The following TG variants were observed in gnomAD, a reference collection of about 807,000 sequenced individuals.
TG encodes the protein thyroid hormones.
In TG, 270 loss-of-function variants were observed where a neutral mutation model predicts 324.7. That is an observed-to-expected ratio of 0.83 (90% CI 0.75 to 0.92). The LOEUF (loss-of-function observed/expected upper bound fraction) is 0.92, where lower values mean the gene tolerates loss of function less well. TG is among the 40% of genes least tolerant of loss of function. TG has a pLI of 0.00. For synonymous variants in TG, 1,401 were observed against 1,327.0 expected, an observed-to-expected ratio of 1.06 and a Z score of -1.21; for missense variants, 3,591 against 3,456.4, an observed-to-expected ratio of 1.04 and a Z score of -0.98.
In TG at chr8:133,065,442, C is replaced by T. The variant is rs1842907937; in HGVS notation, c.7240-29602C>T. On this transcript the variant is annotated intron_variant, in intron 41 of 47. Transcript: ENST00000220616. The stretch of plus-strand genomic sequence containing the variant: ...ACAGAAAAGAAGAGATTTTCAAACC[C>T]AAGAAGGCAACAGAAAAGTGATTTT... 2.0e-5 allele frequency among the ~76,000 whole-genome samples: 3 copies of T among 152,320 alleles called. No individual in the cohort carries two copies. The South Asian group carries it at 6.2e-4, about 32-fold the overall frequency.
chr8:133,096,825 G>A (rs1848489276), intron 43 of TG, among the ~76,000 whole-genome samples: 1 of 152,210 alleles, frequency 6.6e-6, no homozygotes, highest in Non-Finnish European at 1.5e-5. Flanking sequence ...TCCTAGTAAA[G>A]AGAGCACGCA....
rs762634475 is a variant in TG, at chr8:132,893,919, G to A, written c.2991G>A (p.Ala997=). 6.2e-6 allele frequency: 10 copies of A among 1,613,918 alleles called. No individual in the cohort carries two copies. The highest frequency in any genetic ancestry group is 2.2e-5 in the South Asian group (2 of 91,086). ...GGAGTGATTACGCCATTCGCCTGGC[G>A]GCTCAGTCTAGTGAGTGTGGTGCCC... ...LRGSDYAIRL[A]AQSTLSFYQR... is the part of the protein sequence containing the mutation. Residue 997 remains alanine (A), a synonymous_variant, in exon 11 of 48, where the codon GCG becomes GCA. Transcript: ENST00000220616.
At chr8:133,070,025 AAG>A (rs1491041561) in intron 41 of TG, among the ~76,000 whole-genome samples, 18,168 of 75,186 alleles carry the variant, frequency 0.24, 3,893 homozygotes, top group Non-Finnish European at 0.31. Flanking sequence ...AAAAAAAAAA[AAG>A]AAAGAAAGAA....
intron 37 of TG, among the ~76,000 whole-genome samples, chr8:133,016,653 A>T (rs151048672): frequency 7.9e-5 from 12 of 152,322 alleles, no homozygotes; most frequent in African/African-American, 2.9e-4. Context: ...GACCAAATCT[A>T]CGTGTCAGAA....
At chr8:132,867,527 T>G (rs916398376) in intron 1 of TG, among the ~76,000 whole-genome samples, 1 of 151,872 alleles carries the variant, frequency 6.6e-6, no homozygotes, top group East Asian at 1.9e-4. Flanking sequence ...GCTTCTGTTT[T>G]TTTTTTTTTT....
intron 41 of TG, chr8:133,049,181 C>T (rs755901447): frequency 7.2e-5 from 33 of 456,294 alleles, no homozygotes; most frequent in East Asian, 3.5e-4. Flanking sequence ...CTCACTGGAA[C>T]GACTACAGGG....
At chr8:132,974,196 G>A (rs952282734) in intron 34 of TG, among the ~76,000 whole-genome samples, 1 of 151,980 alleles carries the variant, frequency 6.6e-6, no homozygotes, top group Non-Finnish European at 1.5e-5. Flanking sequence ...ATTTCACCAT[G>A]TTAGCCAGGG....
At chr8:133,061,310 A>C (rs545641995) in intron 41 of TG, among the ~76,000 whole-genome samples, 5 of 152,336 alleles carry the variant, frequency 3.3e-5, no homozygotes, top group African/African-American at 1.2e-4. Context: ...TGCCTGGCCA[A>C]GTCATTAACC....
Position 132,911,484 on chromosome 8 carries a change from A to T in TG, c.4110A>T (p.Ser1370=), listed in dbSNP as rs116572763. Residue 1370 remains serine, a synonymous_variant, in exon 19 of 48, where the codon TCA becomes TCT. Coordinates refer to ENST00000220616, the MANE Select transcript of TG (RefSeq NM_003235.5). ...TAGGAGTGAATGTTACATGGAAATC[A>T]CGGCTTGAGGACATCCCAGTGGCTT... ...ERLGVNVTWK[S]RLEDIPVASL... The T allele has an allele frequency of 3.7e-5, 59 of 1,614,204 alleles. No individual in the cohort carries two copies. The East Asian group carries it at 1.2e-3, about 32-fold the overall frequency.
At chr8:133,113,316 C>G in intron 43 of TG, 106 bp from the exon 44 acceptor site, 3 of 1,288,708 alleles carry the variant, frequency 2.3e-6, no homozygotes, top group Admixed American at 3.5e-5. Flanking sequence ...TAATGCCATG[C>G]CCCACTGCTT....
intron 35 of TG, 122 bp downstream of exon 35, chr8:132,983,534 C>G: frequency 3.0e-6 from 3 of 1,013,352 alleles, no homozygotes; most frequent in Non-Finnish European, 3.1e-6. Flanking sequence ...TTAATTCCAG[C>G]TCCTATGAAT....
At chr8:133,122,880 C>T (rs929036726) in intron 45 of TG, among the ~76,000 whole-genome samples, 14 of 152,298 alleles carry the variant, frequency 9.2e-5, no homozygotes, top group South Asian at 2.1e-4. Context: ...GTTTCTCCCA[C>T]GGTCTGTCTC....
At chr8:132,967,110 G>GATCCATCC (rs58544413) in intron 30 of TG, among the ~76,000 whole-genome samples, 40 of 129,312 alleles carry the variant, frequency 3.1e-4, no homozygotes, top group South Asian at 7.4e-4. Flanking sequence ...CCATCCATTC[G>GATCCATCC]ATCCATCCAT....
intron 35 of TG, among the ~76,000 whole-genome samples, chr8:133,008,938 T>C (rs73359337): frequency 0.019 from 2,922 of 152,340 alleles, 101 homozygotes; most frequent in African/African-American, 0.066. Flanking sequence ...CTCAGAATTT[T>C]CATGAGATAC....
In TG at chr8:132,965,234, C is replaced by T. The variant is rs565290262; in HGVS notation, c.5549-1326C>T. On this transcript the variant is annotated intron_variant, in intron 29 of 47. Transcript: ENST00000220616. ...GGAAACAGGCTTGGGAACTGGCCAT[C>T]ATACAATCACATGAGATGCAGGCTG... 2.6e-5 allele frequency among the ~76,000 whole-genome samples: 4 copies of T among 152,290 alleles called. No homozygotes were observed. In the East Asian group the frequency reaches 5.8e-4, roughly 22 times the overall value.
At chr8:133,068,748 T>C (rs73361268) in intron 41 of TG, among the ~76,000 whole-genome samples, 5,363 of 152,316 alleles carry the variant, frequency 0.035, 229 homozygotes, top group African/African-American at 0.098. Flanking sequence ...GCAGAAGCCA[T>C]TCCTGACGTG....
At chr8:133,132,373 G>A (rs913994779) in intron 46 of TG, among the ~76,000 whole-genome samples, 1 of 152,174 alleles carries the variant, frequency 6.6e-6, no homozygotes, top group Non-Finnish European at 1.5e-5. Context: ...AAACCACTTG[G>A]AGGAGAGCCA....
intron 12 of TG, among the ~76,000 whole-genome samples, 177 bp downstream of exon 12, chr8:132,897,963 A>C (rs1358186208): frequency 6.6e-6 from 1 of 152,206 alleles, no homozygotes; most frequent in Non-Finnish European, 1.5e-5. Context: ...CAGGAGCAGG[A>C]AACTTCTACC....
chr8:133,042,597 G>A (rs1838465602), intron 41 of TG, among the ~76,000 whole-genome samples: 1 of 147,588 alleles, frequency 6.8e-6, no homozygotes, highest in African/African-American at 2.5e-5. Flanking sequence ...TTTGCCTAAA[G>A]GCATCATGAT....
Sources: gnomAD v4.1 joint callset for allele counts (sites outside exome capture counted in the v4.1 genomes callset) on GRCh38, gnomAD v4.1.1 for gene constraint, MANE v1.5 for transcripts, NCBI Gene and HGNC (gene_info 2026-07-23, HGNC 2026-07-21) for gene names.